Variants in CDH13 observed in about 807,000 individuals in gnomAD.
CDH13 encodes cadherin 13.
CDH13 carries 24 observed loss-of-function variants against 63.8 expected under a neutral mutation model. That is an observed-to-expected ratio of 0.38 (90% CI 0.27 to 0.53). CDH13 has a LOEUF of 0.53. CDH13 is among the 20% of genes least tolerant of loss of function. The pLI is 0.85. For missense variants in CDH13, 1,049 were observed against 903.1 expected (o/e 1.16, Z -2.07); for synonymous variants, 503 against 355.3 (o/e 1.42, Z -4.67).
chr16:83,075,679 A>G (rs145209120), intron 3 of CDH13, among the ~76,000 whole-genome samples: 102 of 152,326 alleles, frequency 6.7e-4, no homozygotes, highest in Non-Finnish European at 1.1e-3. Context: ...AAGTAATTAC[A>G]AGGAAATGCT....
chr16:83,328,099 C>G (rs1213438708), intron 5 of CDH13, among the ~76,000 whole-genome samples: 1 of 148,394 alleles, frequency 6.7e-6, no homozygotes, highest in Non-Finnish European at 1.5e-5. Flanking sequence ...CACCACTGCA[C>G]TCCAGCCCAG....
intron 2 of CDH13, among the ~76,000 whole-genome samples, chr16:82,929,428 GT>G (rs2097511003): frequency 6.6e-6 from 1 of 151,736 alleles, no homozygotes; most frequent in Non-Finnish European, 1.5e-5. Flanking sequence ...GGATCACAAG[GT>G]CAGGAGATCG....
intron 7 of CDH13, among the ~76,000 whole-genome samples, chr16:83,527,390 A>T (rs2074988703): frequency 6.6e-6 from 1 of 151,956 alleles, no homozygotes; most frequent in African/African-American, 2.4e-5. Context: ...CAGAGCTTGC[A>T]GTGAGCCGAG....
rs890659657 is a variant in CDH13 at position 83,299,778 on chromosome 16, C to T, written c.637-45084C>T. Among the ~76,000 whole-genome samples the T allele has an allele frequency of 2.6e-5, 4 of 152,172 alleles. No homozygotes were observed. The South Asian group carries it at 6.2e-4, about 24-fold the overall frequency. On this transcript the variant is annotated intron_variant, in intron 5 of 13. Transcript: ENST00000567109. ...TTCATGGAGTTTATATAAGTTATTG[C>T]AGCATAACACTTTATCCCAACACTT... is the stretch of plus-strand genomic sequence containing the variant.
intron 2 of CDH13, among the ~76,000 whole-genome samples, chr16:82,976,004 C>T (rs1177510771): frequency 6.6e-6 from 1 of 152,154 alleles, no homozygotes; most frequent in South Asian, 2.1e-4. Flanking sequence ...CGACGGAAAA[C>T]AGCACGGTAA....
intron 9 of CDH13, among the ~76,000 whole-genome samples, chr16:83,673,671 C>G (rs559464935): frequency 6.6e-6 from 1 of 152,226 alleles, no homozygotes; most frequent in Admixed American, 6.5e-5. Flanking sequence ...AATGCAGTGG[C>G]TCTCAAATGC....
At chr16:83,645,221 A>G (rs1198377701) in intron 8 of CDH13, among the ~76,000 whole-genome samples, 4 of 152,256 alleles carry the variant, frequency 2.6e-5, no homozygotes, top group South Asian at 2.1e-4. Context: ...AGCCATAAAA[A>G]AGAATGAAAT....
chr16:83,622,323 C>G (rs1487417966), intron 8 of CDH13, among the ~76,000 whole-genome samples: 1 of 151,934 alleles, frequency 6.6e-6, no homozygotes, highest in Non-Finnish European at 1.5e-5. Flanking sequence ...AAACACAGCA[C>G]TGCACTCCCC....
At chr16:82,680,983 A>G (rs927229396) in intron 1 of CDH13, among the ~76,000 whole-genome samples, 5 of 152,232 alleles carry the variant, frequency 3.3e-5, no homozygotes, top group Admixed American at 1.3e-4. Context: ...GGGAGCCCAT[A>G]AAGAAGACAG....
intron 8 of CDH13, among the ~76,000 whole-genome samples, chr16:83,602,948 A>C (rs1248588625): frequency 1.3e-5 from 2 of 152,208 alleles, no homozygotes; most frequent in Non-Finnish European, 2.9e-5. Context: ...ATTTTTTTCC[A>C]GCAAGTGCAG....
intron 6 of CDH13, among the ~76,000 whole-genome samples, chr16:83,474,290 ATT>A (rs1467342224): frequency 6.6e-6 from 1 of 152,132 alleles, no homozygotes; most frequent in Non-Finnish European, 1.5e-5. Context: ...GTGTCAGCCC[ATT>A]TTACAGATAA....
chr16:83,298,601 G>T (rs1433469351), intron 5 of CDH13, among the ~76,000 whole-genome samples: 1 of 152,154 alleles, frequency 6.6e-6, no homozygotes, highest in East Asian at 1.9e-4. Flanking sequence ...CAAGAAGTAA[G>T]GACCTGTTAT....
intron 7 of CDH13, among the ~76,000 whole-genome samples, chr16:83,505,360 C>G (rs1292373301): frequency 6.6e-6 from 1 of 152,050 alleles, no homozygotes; most frequent in East Asian, 1.9e-4. Context: ...TGCTCTTGAT[C>G]TTGAAAGGCC....
chr16:83,378,224 A>G (rs947317236), intron 6 of CDH13, among the ~76,000 whole-genome samples: 3 of 152,222 alleles, frequency 2.0e-5, no homozygotes, highest in African/African-American at 7.2e-5. Context: ...TATAGATGCC[A>G]CATAGATGAC....
chr16:82,793,549 C>T (rs1030138188), intron 1 of CDH13, among the ~76,000 whole-genome samples: 1 of 152,148 alleles, frequency 6.6e-6, no homozygotes, highest in Non-Finnish European at 1.5e-5. Context: ...TTCTCATTTC[C>T]ATGTCAGTCT....
At chr16:83,056,302 A>G (rs1024592566) in intron 3 of CDH13, among the ~76,000 whole-genome samples, 29 of 152,314 alleles carry the variant, frequency 1.9e-4, no homozygotes, top group Admixed American at 1.4e-3. Flanking sequence ...TTCCAGATCT[A>G]TAACTAAAAC....
chr16:83,464,888 C>G (rs1166939358), intron 6 of CDH13, among the ~76,000 whole-genome samples: 2 of 152,174 alleles, frequency 1.3e-5, no homozygotes, highest in Admixed American at 6.5e-5. Context: ...AGTGATCTCC[C>G]TGCCTCGGCC....
intron 1 of CDH13, among the ~76,000 whole-genome samples, chr16:82,709,398 T>C (rs1388742408): frequency 1.3e-5 from 2 of 152,182 alleles, no homozygotes; most frequent in Non-Finnish European, 2.9e-5. Flanking sequence ...GCAACAGATA[T>C]GAAGCAGTCT....
intron 7 of CDH13, among the ~76,000 whole-genome samples, chr16:83,571,299 G>A (rs1904599594): frequency 6.6e-6 from 1 of 152,116 alleles, no homozygotes; most frequent in African/African-American, 2.4e-5. Context: ...GAGGGACAGT[G>A]AGAACAGGTA....
Sources: allele counts gnomAD v4.1 joint callset (sites outside exome capture counted in the v4.1 genomes callset), GRCh38; gene constraint gnomAD v4.1.1; transcripts MANE v1.5; gene names NCBI Gene and HGNC (gene_info 2026-07-23, HGNC 2026-07-21).